The following NAV2 variants were observed in gnomAD, a reference collection of about 807,000 sequenced individuals.
NAV2 encodes the protein neuron navigator 2, also known as helicase, APC down-regulated 1.
NAV2 carries 54 observed loss-of-function variants against 223.2 expected under a neutral mutation model. The ratio of observed to expected loss-of-function variants is 0.24; its 90% CI spans 0.19 to 0.30. NAV2 has a LOEUF of 0.30. Among genes scored for constraint, NAV2 ranks in the 10% least tolerant of loss-of-function variants. The probability of loss-of-function intolerance (pLI) is 1.00; values close to 1 mark genes in which losing one functional copy is unlikely to be tolerated. For synonymous variants in NAV2, 1,279 were observed against 1,239.3 expected (o/e 1.03, Z -0.67); for missense variants, 2,806 against 3,147.5 (o/e 0.89, Z 2.60).
chr11:19,775,378 G>A (rs1446144174), intron 1 of NAV2, among the ~76,000 whole-genome samples: 2 of 152,178 alleles, frequency 1.3e-5, no homozygotes, highest in East Asian at 3.9e-4. Context: ...GTTAGGGCCC[G>A]AGGCAGGATG....
chr11:19,539,114 G>C (rs2044269432), intron 1 of NAV2, among the ~76,000 whole-genome samples: 1 of 152,168 alleles, frequency 6.6e-6, no homozygotes, highest in Non-Finnish European at 1.5e-5. Context: ...GTGATGCCCA[G>C]GCAGCCTTGC....
At chr11:19,379,109 A>G (rs1021359817) in intron 1 of NAV2, among the ~76,000 whole-genome samples, 5 of 152,144 alleles carry the variant, frequency 3.3e-5, no homozygotes, top group African/African-American at 1.2e-4. Flanking sequence ...GAGGAGGAGG[A>G]GGACTGTCTG....
chr11:19,544,260 A>G (rs1412976550), intron 1 of NAV2, among the ~76,000 whole-genome samples: 1 of 152,114 alleles, frequency 6.6e-6, no homozygotes, highest in African/African-American at 2.4e-5. Context: ...GACTCTCTTG[A>G]CTCTAATCTC....
At chr11:19,824,305 G>T (rs944287561) in intron 1 of NAV2, among the ~76,000 whole-genome samples, 4 of 152,320 alleles carry the variant, frequency 2.6e-5, no homozygotes, top group African/African-American at 9.6e-5. Flanking sequence ...CTACACCTGA[G>T]ACTGTAGACA....
intron 32 of NAV2, among the ~76,000 whole-genome samples, chr11:20,102,910 T>A (rs2061739299): frequency 6.6e-6 from 1 of 152,168 alleles, no homozygotes; most frequent in South Asian, 2.1e-4. Flanking sequence ...TGTGTCTGGC[T>A]CCTCTGCTGC....
chr11:19,846,079 T>G (rs1262163799), intron 3 of NAV2, among the ~76,000 whole-genome samples: 2 of 152,108 alleles, frequency 1.3e-5, no homozygotes, highest in Non-Finnish European at 2.9e-5. Flanking sequence ...CAAGGAAGGT[T>G]CCTAAATAAC....
At chr11:19,879,291 AT>A (rs2063050463) in intron 4 of NAV2, among the ~76,000 whole-genome samples, 1 of 152,194 alleles carries the variant, frequency 6.6e-6, no homozygotes, top group Admixed American at 6.5e-5. Flanking sequence ...TGTAGGGAAT[AT>A]TTTGTATGAG....
chr11:19,538,431 C>G (rs183575254), intron 1 of NAV2, among the ~76,000 whole-genome samples: 1 of 152,106 alleles, frequency 6.6e-6, no homozygotes, highest in Non-Finnish European at 1.5e-5. Context: ...GCCTGGACCT[C>G]GTAGGTTCAC....
At chr11:19,946,633 G>A (rs1036821569) in intron 9 of NAV2, 124 bp downstream of exon 9, 38 of 785,004 alleles carry the variant, frequency 4.8e-5, no homozygotes, top group Admixed American at 1.1e-4. Flanking sequence ...CAAATGTGCC[G>A]GAATTCACAA....
At chr11:19,461,800 A>C (rs551128387) in intron 1 of NAV2, among the ~76,000 whole-genome samples, 1 of 152,336 alleles carries the variant, frequency 6.6e-6, no homozygotes, top group Non-Finnish European at 1.5e-5. Flanking sequence ...ATGTTTTATG[A>C]ACCTTATATC....
chr11:19,956,922 C>A (rs536153955), intron 10 of NAV2, among the ~76,000 whole-genome samples: 139 of 152,256 alleles, frequency 9.1e-4, no homozygotes, highest in African/African-American at 3.3e-3. Flanking sequence ...CTCCTATCCT[C>A]CAAGAGTCAC....
chr11:19,921,372 GA>G (rs1350573346), intron 6 of NAV2, among the ~76,000 whole-genome samples: 3 of 152,068 alleles, frequency 2.0e-5, no homozygotes, highest in Non-Finnish European at 4.4e-5. Context: ...TTGATTGACA[GA>G]AAAAATAACA....
intron 35 of NAV2, 134 bp downstream of exon 35, chr11:20,105,861 G>C: frequency 1.4e-6 from 1 of 716,300 alleles, no homozygotes; most frequent in Non-Finnish European, 2.3e-6. Flanking sequence ...AAGTGGGGCA[G>C]AGGGACAGTC....
chr11:20,114,944 T>G, intron 37 of NAV2, 149 bp downstream of exon 37: 8 of 775,114 alleles, frequency 1.0e-5, no homozygotes, highest in Non-Finnish European at 1.6e-5. Context: ...TTTTTGCCAA[T>G]ATTTTCTTCC....
chr11:20,107,931 G>A (rs1266119758), intron 36 of NAV2, 149 bp downstream of exon 36: 2 of 649,972 alleles, frequency 3.1e-6, no homozygotes, highest in African/African-American at 1.8e-5. Flanking sequence ...TCCAGTGTAG[G>A]GACACACCTG....
chr11:20,118,317 C>A lies in NAV2; in HGVS notation c.*59C>A. ...CTCACCGCATTCCACCTGCATCCCC[C>A]ACATCACCCTGAAGATGACTTCCTG... On this transcript the variant is annotated 3_prime_UTR_variant, in exon 38 of 38. Transcript: ENST00000349880. The A allele has an allele frequency of 6.3e-7, 1 of 1,589,102 alleles. No homozygotes were observed. Among genetic ancestry groups the A allele is most frequent in the East Asian group, 2.2e-5 (1 of 44,624 alleles).
chr11:19,389,790 C>G (rs977972239), intron 1 of NAV2, among the ~76,000 whole-genome samples: 5 of 152,232 alleles, frequency 3.3e-5, no homozygotes, highest in African/African-American at 1.2e-4. Flanking sequence ...TGTGGCTGGC[C>G]TAGGCCTCTT....
intron 5 of NAV2, among the ~76,000 whole-genome samples, chr11:19,883,889 A>G (rs1363702205): frequency 6.6e-6 from 1 of 152,222 alleles, no homozygotes; most frequent in Non-Finnish European, 1.5e-5. Context: ...TTTATGGGAT[A>G]CTGAGGACAT....
chr11:19,485,552 G>C (rs1449126562), intron 1 of NAV2, among the ~76,000 whole-genome samples: 1 of 152,096 alleles, frequency 6.6e-6, no homozygotes, highest in Non-Finnish European at 1.5e-5. Flanking sequence ...CCTTTGGGGA[G>C]ACATAGTCTC....
Sources: allele counts gnomAD v4.1 joint callset (sites outside exome capture counted in the v4.1 genomes callset), GRCh38; gene constraint gnomAD v4.1.1; transcripts MANE v1.5; gene names NCBI Gene and HGNC (gene_info 2026-07-23, HGNC 2026-07-21).